YWHAQ: variants seen among roughly 807,000 people sequenced by gnomAD.
YWHAQ encodes tyrosine 3-monooxygenase/tryptophan 5-monooxygenase activation protein theta, also known as 14-3-3 protein theta.
A neutral mutation model predicts 28.3 loss-of-function variants in YWHAQ; 6 were observed. The observed-to-expected ratio is 0.21, with a 90% CI of 0.12 to 0.42. YWHAQ has a LOEUF of 0.42. YWHAQ is among the 10% of genes least tolerant of loss of function. YWHAQ has a pLI of 1.00. For synonymous variants in YWHAQ, 143 were observed against 119.1 expected, an observed-to-expected ratio of 1.20 and a Z score of -1.31; for missense variants, 201 against 305.6, an observed-to-expected ratio of 0.66 and a Z score of 2.55.
At chr2:9,588,498 C>T (rs1286940036) in intron 3 of YWHAQ, among the ~76,000 whole-genome samples, 170 bp from the exon 4 acceptor site, 2 of 152,148 alleles carry the variant, frequency 1.3e-5, no homozygotes, top group Non-Finnish European at 2.9e-5. Context: ...TGGCCAGGCG[C>T]GGTGGCTCAC....
intron 2 of YWHAQ, among the ~76,000 whole-genome samples, chr2:9,620,021 T>C (rs768622626): frequency 2.6e-5 from 4 of 152,212 alleles, no homozygotes; most frequent in Non-Finnish European, 5.9e-5. Flanking sequence ...AGGAATAAAA[T>C]GTCTAATCTG....
intron 2 of YWHAQ, among the ~76,000 whole-genome samples, chr2:9,621,767 G>A (rs529704809): frequency 6.6e-6 from 1 of 152,222 alleles, no homozygotes; most frequent in East Asian, 1.9e-4. Flanking sequence ...ATTCACAATA[G>A]CAAAGACTTG....
rs1210301101 is a variant in YWHAQ at position 9,630,486 on chromosome 2, G to A, written c.-34C>T. Reference sequence around the variant, plus strand: ...CGGGGCCGGGGCCGGGGCGGAGGGCGAGGAGAGCGAGGGCGAGCGCCGACC... The same window carrying A: ...CGGGGCCGGGGCCGGGGCGGAGGGCAAGGAGAGCGAGGGCGAGCGCCGACC... On this transcript the variant is annotated 5_prime_UTR_variant, in exon 2 of 6. Coordinates refer to ENST00000238081, the MANE Select transcript of YWHAQ (RefSeq NM_006826.4). The surrounding 1 kb of genome is among the most constrained non-coding windows in gnomAD (Gnocchi z 5.6). 4.5e-6 allele frequency: 7 copies of A among 1,544,106 alleles called. No individual in the cohort carries two copies. The African/African-American group carries it at 6.8e-5, about 15-fold the overall frequency.
intron 2 of YWHAQ, among the ~76,000 whole-genome samples, chr2:9,604,503 T>C (rs1474936523): frequency 1.3e-5 from 2 of 152,218 alleles, no homozygotes. Flanking sequence ...TCTCCTCTTC[T>C]ACAAAACACA....
intron 2 of YWHAQ, among the ~76,000 whole-genome samples, chr2:9,617,117 C>T (rs552593813): frequency 1.1e-4 from 16 of 148,562 alleles, no homozygotes; most frequent in South Asian, 4.2e-4. Flanking sequence ...CCTGCCACTA[C>T]GCCCGGCTAA....
At chr2:9,607,780 C>T (rs1268382373) in intron 2 of YWHAQ, among the ~76,000 whole-genome samples, 1 of 145,940 alleles carries the variant, frequency 6.9e-6, no homozygotes, top group East Asian at 2.0e-4. Flanking sequence ...GGCATAATCT[C>T]GGCTCACTGC....
At chr2:9,605,839 G>A (rs1666816345) in intron 2 of YWHAQ, among the ~76,000 whole-genome samples, 1 of 151,876 alleles carries the variant, frequency 6.6e-6, no homozygotes, top group Admixed American at 6.6e-5. Context: ...TGCGATTACA[G>A]GCTTGAGCCA....
At chr2:9,602,155 G>T in intron 2 of YWHAQ, among the ~76,000 whole-genome samples, 1 of 152,076 alleles carries the variant, frequency 6.6e-6, no homozygotes, top group Non-Finnish European at 1.5e-5. Flanking sequence ...GGCCAGGTGT[G>T]GTGGCTCATG....
intron 3 of YWHAQ, among the ~76,000 whole-genome samples, chr2:9,589,175 G>T (rs563538855): frequency 6.2e-4 from 94 of 151,748 alleles, no homozygotes; most frequent in Non-Finnish European, 1.2e-3. Flanking sequence ...ACAGCTTAAT[G>T]GAAAAAAAAC....
At chr2:9,595,905 G>A (rs537873360) in intron 2 of YWHAQ, among the ~76,000 whole-genome samples, 1 of 152,064 alleles carries the variant, frequency 6.6e-6, no homozygotes, top group Non-Finnish European at 1.5e-5. Context: ...GGTAAAATGT[G>A]GATGGTAGTG....
chr2:9,602,000 T>C (rs1285324487), intron 2 of YWHAQ, among the ~76,000 whole-genome samples: 1 of 152,192 alleles, frequency 6.6e-6, no homozygotes, highest in African/African-American at 2.4e-5. Context: ...AATGAACAGA[T>C]ACTAATTCAG....
At chr2:9,623,602 C>T (rs1667187802) in intron 2 of YWHAQ, among the ~76,000 whole-genome samples, 1 of 152,014 alleles carries the variant, frequency 6.6e-6, no homozygotes, top group African/African-American at 2.4e-5. Flanking sequence ...GGAGAAACCT[C>T]GTCTCTACTA....
intron 2 of YWHAQ, among the ~76,000 whole-genome samples, chr2:9,602,375 A>G (rs1479422344): frequency 6.6e-6 from 1 of 152,164 alleles, no homozygotes; most frequent in East Asian, 1.9e-4. Context: ...TGATCACACC[A>G]CTGCACTCCA....
chr2:9,584,374 A>G lies in YWHAQ; in HGVS notation c.*912T>C, dbSNP rs534763265. ...CAGTCAATGATTAGCAACACACAAT[A>G]GTGGTCCAACTCTCTAAATAACAAT... On this transcript the variant is annotated 3_prime_UTR_variant, in exon 6 of 6. Coordinates refer to ENST00000238081, the MANE Select transcript of YWHAQ (RefSeq NM_006826.4). The G allele has an allele frequency of 4.6e-5, 7 of 152,800 alleles. No individual in the cohort carries two copies. The highest frequency in any genetic ancestry group is 1.7e-4 in the African/African-American group (7 of 41,596). The allele number at this position is 152,800 out of a possible 1,614,324, so 9.5% of individuals were successfully genotyped here.
chr2:9,592,164 C>A (rs1385715089), intron 2 of YWHAQ, among the ~76,000 whole-genome samples: 1 of 152,098 alleles, frequency 6.6e-6, no homozygotes, highest in East Asian at 1.9e-4. Flanking sequence ...ATTCAAGTAT[C>A]CATCTAAAAT....
chr2:9,627,263 A>C (rs1036609422), intron 2 of YWHAQ, among the ~76,000 whole-genome samples: 1 of 152,192 alleles, frequency 6.6e-6, no homozygotes, highest in Non-Finnish European at 1.5e-5. Flanking sequence ...GCTCTTTTCT[A>C]CCAAAAATTT....
intron 2 of YWHAQ, among the ~76,000 whole-genome samples, chr2:9,612,103 C>G (rs541560390): frequency 6.6e-6 from 1 of 152,232 alleles, no homozygotes; most frequent in Non-Finnish European, 1.5e-5. Context: ...TGCCAAAGTC[C>G]TACTGATTTC....
At chr2:9,618,375 A>G (rs1249619315) in intron 2 of YWHAQ, among the ~76,000 whole-genome samples, 1 of 152,152 alleles carries the variant, frequency 6.6e-6, no homozygotes, top group Non-Finnish European at 1.5e-5. Flanking sequence ...TATTTTGTAA[A>G]CATTTCTTTG....
chr2:9,609,520 C>T (rs1366235855), intron 2 of YWHAQ, among the ~76,000 whole-genome samples: 1 of 151,952 alleles, frequency 6.6e-6, no homozygotes, highest in Non-Finnish European at 1.5e-5. Context: ...GGGATAATGG[C>T]CGAGACTTCC....
Sources: gnomAD v4.1 joint callset for allele counts (sites outside exome capture counted in the v4.1 genomes callset) on GRCh38, gnomAD v4.1.1 for gene constraint, Gnocchi (gnomAD v3.1) non-coding constraint, MANE v1.5 for transcripts, NCBI Gene and HGNC (gene_info 2026-07-23, HGNC 2026-07-21) for gene names.